ADGRV1: variants seen among roughly 807,000 people sequenced by gnomAD.
ADGRV1 encodes adhesion G protein-coupled receptor V1, also known as G-protein coupled receptor 98.
Under a neutral mutation model 596.2 loss-of-function variants are expected in ADGRV1, and 359 were observed. The ratio of observed to expected loss-of-function variants is 0.60; its 90% confidence interval spans 0.55 to 0.66. The LOEUF (loss-of-function observed/expected upper bound fraction) is 0.66, where lower values mean the gene tolerates loss of function less well. Among genes scored for constraint, ADGRV1 ranks in the 30% least tolerant of loss-of-function variants. The pLI, the probability that ADGRV1 is intolerant of heterozygous loss-of-function variation, is 0.00. For missense variants in ADGRV1, 7,274 were observed against 7,575.6 expected (o/e 0.96, Z 1.48); for synonymous variants, 2,681 against 2,679.2 (o/e 1.00, Z -0.02).
intron 53 of ADGRV1, among the ~76,000 whole-genome samples, chr5:90,752,326 G>A (rs539693633): frequency 3.9e-5 from 6 of 152,182 alleles, no homozygotes; most frequent in East Asian, 3.9e-4. Context: ...AAGTTCAGGG[G>A]TACCTATGCA....
Position 90,600,461 on chromosome 5 carries a change from G to A in ADGRV1, c.23-14374G>A, listed in dbSNP as rs887128297. On this transcript the variant is annotated intron_variant, in intron 1 of 89. Coordinates refer to ENST00000405460, the MANE Select transcript of ADGRV1 (RefSeq NM_032119.4). ...GGAATGATGGTTTCCAGCTTCATCC[G>A]TGTCCCTGCAAAGGACATGAACTCA... is the stretch of plus-strand genomic sequence containing the variant. 5.7e-4 allele frequency among the ~76,000 whole-genome samples: 86 copies of A among 152,096 alleles called. 1 individual carries two copies. Among genetic ancestry groups the A allele is most frequent in the Admixed American group, 4.4e-3 (67 of 15,282 alleles).
intron 85 of ADGRV1, among the ~76,000 whole-genome samples, chr5:91,072,148 T>C (rs1461046373): frequency 6.6e-6 from 1 of 152,242 alleles, no homozygotes; most frequent in Non-Finnish European, 1.5e-5. Flanking sequence ...ATATGTACCC[T>C]TAACTTCTAT....
intron 1 of ADGRV1, among the ~76,000 whole-genome samples, chr5:90,587,513 T>C (rs1162767189): frequency 6.6e-6 from 1 of 151,830 alleles, no homozygotes. Flanking sequence ...AAACTTTACA[T>C]GATTTCTTTG....
At position 90,783,228 on chromosome 5, in the gene ADGRV1, G is replaced by C; in HGVS notation, c.13336G>C (p.Gly4446Arg). 6.2e-7 allele frequency: 1 copy of C among 1,613,502 alleles called. No individual in the cohort carries two copies. The highest frequency in any genetic ancestry group is 8.5e-7 in the Non-Finnish European group (1 of 1,179,544). The part of the protein sequence containing the change: ...FISQSSSASP[G>R]GVDYILHGST... ...CTCTCAGAGCTCCTCTGCCAGTCCC[G>C]GAGGTGTTGATTACATTTTGCATGG... Residue 4446 changes from glycine (G) to arginine (R), a missense_variant, in exon 66 of 90, where the codon GGA (glycine) becomes CGA (arginine). Around this residue, in one of 5 missense-constraint regions of ADGRV1, gnomAD observed 3,643 missense variants for 3,809.2 expected, o/e 0.96. Transcript: ENST00000405460.
intron 86 of ADGRV1, among the ~76,000 whole-genome samples, chr5:91,085,838 C>T (rs1789823023): frequency 6.6e-6 from 1 of 152,206 alleles, no homozygotes; most frequent in Non-Finnish European, 1.5e-5. Context: ...ACTGCCCTGC[C>T]TCTCTTCTTT....
rs1745298740 is a variant in ADGRV1 at position 90,684,115 on chromosome 5, A to G, written c.6194A>G (p.Asp2065Gly). The G allele has an allele frequency of 2.5e-6, 4 of 1,613,810 alleles. No individual in the cohort carries two copies. The South Asian group carries it at 4.4e-5, about 18-fold the overall frequency. The change falls in exon 28 of 90, where the codon GAT becomes GGT. Residue 2065 changes from aspartate to glycine, a missense_variant. Physicochemically the swap from Asp to Gly is moderately conservative, Grantham distance 94. Around this residue, in one of 5 missense-constraint regions of ADGRV1, gnomAD observed 3,643 missense variants for 3,809.2 expected, o/e 0.96. Coordinates refer to ENST00000405460, the MANE Select transcript of ADGRV1 (RefSeq NM_032119.4). ...EATIAISILD[D>G]DEPERSESVF... ...ACAATAGCTATTTCAATTTTGGATG[A>G]TGATGAGCCAGAAAGGTCCGAATCT...
intron 11 of ADGRV1, among the ~76,000 whole-genome samples, chr5:90,638,310 G>A (rs1390263480): frequency 6.6e-6 from 1 of 151,860 alleles, no homozygotes; most frequent in African/African-American, 2.4e-5. Flanking sequence ...CTGGCTTTAT[G>A]TTCAACAGAA....
At chr5:90,896,340 A>C (rs1771320130) in intron 83 of ADGRV1, among the ~76,000 whole-genome samples, 2 of 122,752 alleles carry the variant, frequency 1.6e-5, no homozygotes, top group African/African-American at 6.1e-5. Flanking sequence ...GCGTGATTGC[A>C]GCTTACTGTG....
rs758419408 is a variant in ADGRV1, at chr5:90,755,333, CTAAG to C, written c.11580+151_11580+154del. The C allele has an allele frequency of 9.4e-4, 528 of 561,856 alleles. 4 individuals are homozygous for C. The highest frequency in any genetic ancestry group is 1.1e-3 in the Non-Finnish European group (371 of 324,980). The allele number at this position is 561,856 out of a possible 1,614,324, so 34.8% of individuals were successfully genotyped here. On this transcript the variant is annotated intron_variant, in intron 55 of 89. Transcript: ENST00000405460. ...TAAGTATTCTACTGTTGCCACCCAC[CTAAG>C]TATTTAATAATGAATAATATTTTAT...
chr5:90,742,196 A>C (rs1754040937), intron 50 of ADGRV1, among the ~76,000 whole-genome samples: 1 of 152,228 alleles, frequency 6.6e-6, no homozygotes, highest in Admixed American at 6.5e-5. Flanking sequence ...ATAATCATAC[A>C]TATAAGTTTC....
intron 86 of ADGRV1, among the ~76,000 whole-genome samples, chr5:91,075,647 T>C (rs1172595535): frequency 6.6e-6 from 1 of 152,212 alleles, no homozygotes; most frequent in Non-Finnish European, 1.5e-5. Context: ...TTTATTCTAA[T>C]AGTCATTATA....
At chr5:90,968,301 T>C (rs1044946586) in intron 84 of ADGRV1, among the ~76,000 whole-genome samples, 1 of 152,166 alleles carries the variant, frequency 6.6e-6, no homozygotes, top group African/African-American at 2.4e-5. Flanking sequence ...CACTGAAATA[T>C]ATGGAGAGGG....
At chr5:90,817,035 A>C (rs548769130) in intron 75 of ADGRV1, among the ~76,000 whole-genome samples, 3 of 152,174 alleles carry the variant, frequency 2.0e-5, no homozygotes, top group Non-Finnish European at 4.4e-5. Flanking sequence ...CCAACAGTGT[A>C]AAAGTGTTCC....
intron 1 of ADGRV1, among the ~76,000 whole-genome samples, chr5:90,580,624 T>C (rs891950359): frequency 6.6e-6 from 1 of 152,224 alleles, no homozygotes; most frequent in Non-Finnish European, 1.5e-5. Flanking sequence ...CTCTTCTGGC[T>C]TGTAGGGTTT....
At position 90,829,013 on chromosome 5, in the gene ADGRV1, A is replaced by G; in HGVS notation, c.16438A>G (p.Ser5480Gly). ...EATAGAAINNSARFAQIKILE... is the reference protein window; with the variant it reads ...EATAGAAINNGARFAQIKILE... ...TACTGCTGGAGCAGCAATAAACAACAGTGCCAGATTCGCACAGATTAAAAT... is the reference window on the plus strand; with the variant it reads ...TACTGCTGGAGCAGCAATAAACAACGGTGCCAGATTCGCACAGATTAAAAT... The change falls in exon 77 of 90, where the codon AGT becomes GGT. Residue 5480 changes from serine to glycine, a missense_variant. Physicochemically the swap from Ser to Gly is moderately conservative, Grantham distance 56. Transcript: ENST00000405460. 1.9e-6 allele frequency: 3 copies of G among 1,610,218 alleles called. No individual in the cohort carries two copies. The highest frequency in any genetic ancestry group is 2.2e-5 in the East Asian group (1 of 44,870).
At chr5:91,033,463 T>G (rs1784638372) in intron 85 of ADGRV1, among the ~76,000 whole-genome samples, 1 of 152,176 alleles carries the variant, frequency 6.6e-6, no homozygotes, top group South Asian at 2.1e-4. Flanking sequence ...GGGACAAGGT[T>G]TGCAGTTCAA....
chr5:90,765,901 TATTTTATTTTAATTA>T (rs1309746370), intron 59 of ADGRV1, among the ~76,000 whole-genome samples: 2 of 151,128 alleles, frequency 1.3e-5, no homozygotes, highest in Non-Finnish European at 3.0e-5. Context: ...AAATTTATTT[TATTTTATTTTAATTA>T]ATTAGTTTTT....
At chr5:91,019,398 A>G (rs1350654584) in intron 85 of ADGRV1, among the ~76,000 whole-genome samples, 1 of 152,004 alleles carries the variant, frequency 6.6e-6, no homozygotes, top group Non-Finnish European at 1.5e-5. Context: ...GGTATGGATG[A>G]TCATTTTAGC....
rs555168257 is a variant in ADGRV1, at chr5:90,734,678, C to T, written c.10549+4914C>T. Among the ~76,000 whole-genome samples, 523 of 149,692 alleles carry T rather than the reference C, an allele frequency of 3.5e-3. 5 individuals are homozygous for T. Among genetic ancestry groups the T allele is most frequent in the African/African-American group, 0.012 (494 of 40,824 alleles). ...TCAGCTCACTGCAACCTCTGCCTCC[C>T]GGGTTCAAGTGATTCTTCTGCCTCA... On this transcript the variant is annotated intron_variant, in intron 50 of 89. Coordinates refer to ENST00000405460, the MANE Select transcript of ADGRV1 (RefSeq NM_032119.4).
Sources: gnomAD v4.1 joint callset for allele counts (sites outside exome capture counted in the v4.1 genomes callset) on GRCh38, gnomAD v4.1.1 for gene constraint, gnomAD v4.1.1 regional missense constraint, MANE v1.5 for transcripts, NCBI Gene and HGNC (gene_info 2026-07-23, HGNC 2026-07-21) for gene names.